The following NHEJ1 variants were observed in gnomAD, a reference collection of about 807,000 sequenced individuals.
NHEJ1 encodes the protein non-homologous end joining factor 1, also known as non-homologous end-joining factor 1.
A neutral mutation model predicts 39.4 loss-of-function variants in NHEJ1; 22 were observed. The observed-to-expected ratio is 0.56, with a 90% CI of 0.40 to 0.80. The LOEUF (loss-of-function observed/expected upper bound fraction) is 0.80. Among genes scored for constraint, NHEJ1 ranks in the 30% least tolerant of loss-of-function variants. The pLI, the probability that NHEJ1 is intolerant of heterozygous loss-of-function variation, is 0.00. For missense variants in NHEJ1, 329 were observed against 357.1 expected, an observed-to-expected ratio of 0.92 and a Z score of 0.63; for synonymous variants, 154 against 135.6, an observed-to-expected ratio of 1.14 and a Z score of -0.94.
chr2:219,138,579 TG>T (rs1235104101), intron 5 of NHEJ1, among the ~76,000 whole-genome samples: 2 of 152,250 alleles, frequency 1.3e-5, no homozygotes. Context: ...TCTAGGCACT[TG>T]GGCTAGACCA....
chr2:219,156,772 C>T (rs778961684), intron 3 of NHEJ1, among the ~76,000 whole-genome samples: 6 of 152,236 alleles, frequency 3.9e-5, no homozygotes, highest in Non-Finnish European at 8.8e-5. Flanking sequence ...AGGTATCTAA[C>T]ACTGGTACAT....
At chr2:219,110,796 T>C (rs372247915) in intron 5 of NHEJ1, among the ~76,000 whole-genome samples, 15 of 152,266 alleles carry the variant, frequency 9.9e-5, no homozygotes, top group African/African-American at 3.4e-4. Context: ...GGCACCGGTC[T>C]CAGATGTTCA....
chr2:219,138,298 T>C (rs1949656357), intron 5 of NHEJ1, among the ~76,000 whole-genome samples: 1 of 152,206 alleles, frequency 6.6e-6, no homozygotes, highest in African/African-American at 2.4e-5. Context: ...TTCTCAATAA[T>C]AAAAGATTCA....
chr2:219,088,788 C>G (rs896771502), intron 5 of NHEJ1, among the ~76,000 whole-genome samples: 4 of 152,130 alleles, frequency 2.6e-5, no homozygotes, highest in African/African-American at 9.7e-5. Context: ...CACTTTCCTA[C>G]ATGCATTTTA....
chr2:219,130,597 A>C (rs1406885743), intron 5 of NHEJ1, among the ~76,000 whole-genome samples: 2 of 152,154 alleles, frequency 1.3e-5, no homozygotes, highest in Non-Finnish European at 2.9e-5. Flanking sequence ...ATCCTTTCCA[A>C]GCTAGAACTT....
At chr2:219,115,756 T>C (rs1949407989) in intron 5 of NHEJ1, among the ~76,000 whole-genome samples, 2 of 152,146 alleles carry the variant, frequency 1.3e-5, no homozygotes, top group African/African-American at 4.8e-5. Context: ...GTCTCCGCAT[T>C]TTACCCAGCT....
intron 5 of NHEJ1, among the ~76,000 whole-genome samples, chr2:219,104,830 C>T (rs1427939552): frequency 6.6e-6 from 1 of 152,204 alleles, no homozygotes; most frequent in Non-Finnish European, 1.5e-5. Flanking sequence ...GAATTTTGGA[C>T]TCATTCCTAC....
At chr2:219,155,048 G>C (rs2106367239) in intron 3 of NHEJ1, among the ~76,000 whole-genome samples, 1 of 150,136 alleles carries the variant, frequency 6.7e-6, no homozygotes, top group East Asian at 1.9e-4. Context: ...GTTCCTTACT[G>C]TATTCTTTTG....
At chr2:219,146,845 G>A in intron 4 of NHEJ1, 107 bp from the exon 5 acceptor site, 1 of 859,006 alleles carries the variant, frequency 1.2e-6, no homozygotes, top group Non-Finnish European at 2.0e-6. Context: ...GGAGGAAGGT[G>A]CATCATGCAG....
At chr2:219,124,256 A>C (rs1949496410) in intron 5 of NHEJ1, among the ~76,000 whole-genome samples, 1 of 152,204 alleles carries the variant, frequency 6.6e-6, no homozygotes, top group Non-Finnish European at 1.5e-5. Flanking sequence ...AAAACTGTGG[A>C]GCCTAGGCCT....
rs58103413 is a variant in NHEJ1 at position 219,157,991 on chromosome 2, T to TCACACA, written c.177+189_177+194dup. Among the ~76,000 whole-genome samples the TCACACA allele has an allele frequency of 1.3e-4, 13 of 99,268 alleles. No individual in the cohort carries two copies. In the South Asian group the frequency reaches 1.4e-3, roughly 10 times the overall value. The allele number at this position is 99,268 out of a possible 152,430, so 65.1% of individuals were successfully genotyped here. A position where few individuals can be genotyped will look rare whatever the true frequency, so the allele number is the denominator to read the frequency against. On this transcript the variant is annotated intron_variant, in intron 2 of 7. Coordinates refer to ENST00000356853, the MANE Select transcript of NHEJ1 (RefSeq NM_024782.3). ...CTTTCTTTCTCTCTCTCTCTCTCTC[T>TCACACA]CACACACACACACACACACACACAC...
At chr2:219,130,087 C>T (rs530799805) in intron 5 of NHEJ1, among the ~76,000 whole-genome samples, 1 of 149,414 alleles carries the variant, frequency 6.7e-6, no homozygotes, top group South Asian at 2.1e-4. Flanking sequence ...CTAAGCCAGG[C>T]ACATCCAGTT....
At chr2:219,101,005 CT>C (rs1347551531) in intron 5 of NHEJ1, among the ~76,000 whole-genome samples, 4 of 152,222 alleles carry the variant, frequency 2.6e-5, no homozygotes, top group African/African-American at 9.6e-5. Context: ...TCCTCCCAGA[CT>C]TTTTTTCTAT....
chr2:219,086,745 G>T (rs996890912), intron 5 of NHEJ1, among the ~76,000 whole-genome samples: 1 of 152,096 alleles, frequency 6.6e-6, no homozygotes, highest in Non-Finnish European at 1.5e-5. Flanking sequence ...TGAAGGTGGG[G>T]GCGGGGCAGC....
intron 5 of NHEJ1, chr2:219,095,386 T>C (rs760583172): frequency 6.4e-6 from 3 of 468,588 alleles, no homozygotes; most frequent in Admixed American, 2.4e-5. Context: ...TAGTTAGTAG[T>C]AGTCCTGACT....
chr2:219,156,799 A>G (rs916271329), intron 3 of NHEJ1, among the ~76,000 whole-genome samples: 4 of 152,226 alleles, frequency 2.6e-5, no homozygotes, highest in Non-Finnish European at 5.9e-5. Context: ...TTCTGTTGCC[A>G]GAATAATCTT....
chr2:219,076,100 G>A lies in NHEJ1; in HGVS notation c.*281C>T. On this transcript the variant is annotated 3_prime_UTR_variant, in exon 8 of 8. Coordinates refer to ENST00000356853, the MANE Select transcript of NHEJ1 (RefSeq NM_024782.3). ...CCTGAGTGTGTGGTGCTTTCTTGCTGACTTGCCCTATATACCTAAAGTCCA... is the reference window on the plus strand; with the variant it reads ...CCTGAGTGTGTGGTGCTTTCTTGCTAACTTGCCCTATATACCTAAAGTCCA... 2 of 591,270 alleles carry A rather than the reference G, an allele frequency of 3.4e-6. No homozygotes were observed. The highest frequency in any genetic ancestry group is 5.8e-6 in the Non-Finnish European group (2 of 343,262). 36.6% of individuals were successfully genotyped at this position (591,270 alleles called of 1,614,324 possible). A position where few individuals can be genotyped will look rare whatever the true frequency, so the allele number is the denominator to read the frequency against.
At chr2:219,153,085 G>A (rs1448297159) in intron 3 of NHEJ1, among the ~76,000 whole-genome samples, 1 of 152,146 alleles carries the variant, frequency 6.6e-6, no homozygotes, top group Admixed American at 6.6e-5. Context: ...TTACAGGTGT[G>A]AGCCACTGTG....
intron 5 of NHEJ1, among the ~76,000 whole-genome samples, chr2:219,131,578 T>C (rs925389968): frequency 7.9e-5 from 12 of 152,260 alleles, no homozygotes; most frequent in Admixed American, 2.0e-4. Context: ...TGTTCTACTG[T>C]ATCACTGTTT....
Sources: allele counts gnomAD v4.1 joint callset (sites outside exome capture counted in the v4.1 genomes callset), GRCh38; gene constraint gnomAD v4.1.1; transcripts MANE v1.5; gene names NCBI Gene and HGNC (gene_info 2026-07-23, HGNC 2026-07-21).